UBA3: variants seen among roughly 807,000 people sequenced by gnomAD.
UBA3 encodes NEDD8-activating enzyme E1 catalytic subunit.
In UBA3, 26 loss-of-function variants were observed where a neutral mutation model predicts 73.5. That is an observed-to-expected ratio of 0.35 (90% CI 0.26 to 0.49). The LOEUF (loss-of-function observed/expected upper bound fraction) is 0.49, where lower values mean the gene tolerates loss of function less well. Among genes scored for constraint, UBA3 ranks in the 20% least tolerant of loss-of-function variants. UBA3 has a pLI of 0.98. For synonymous variants in UBA3, 217 were observed against 191.2 expected, an observed-to-expected ratio of 1.13 and a Z score of -1.11; for missense variants, 495 against 555.6, an observed-to-expected ratio of 0.89 and a Z score of 1.10.
At position 69,080,339 on chromosome 3, in the gene UBA3, C is replaced by T. The variant is rs1331732729; in HGVS notation, c.15G>A (p.Glu5=). The T allele has an allele frequency of 4.4e-6, 7 of 1,598,614 alleles. No homozygotes were observed. The South Asian group carries it at 4.5e-5, about 10-fold the overall frequency. MADG[E]EPEKKRRRIE... The stretch of plus-strand genomic sequence containing the variant: ...TGCAGAGCCCCGGTACTTACGGCTC[C>T]TCGCCATCCGCCATATTGTTCTCCG... Residue 5 remains glutamate (E), a synonymous_variant, in exon 1 of 18, where the codon GAG becomes GAA. Coordinates refer to ENST00000361055, the MANE Select transcript of UBA3 (RefSeq NM_003968.4).
In UBA3 at chr3:69,056,630, T is replaced by A; in HGVS notation, c.1065A>T (p.Thr355=). 6.2e-7 allele frequency: 1 copy of A among 1,612,008 alleles called. No homozygotes were observed. The highest frequency in any genetic ancestry group is 8.5e-7 in the Non-Finnish European group (1 of 1,178,636). ...FNDVDGLYTY[T]FEAERKENCP... ...TACTAACCTTTCTTTCTGCTTCAAATGTGTATGTATACAGCCCATCTACAT... is the reference window on the plus strand; with the variant it reads ...TACTAACCTTTCTTTCTGCTTCAAAAGTGTATGTATACAGCCCATCTACAT... The change falls in exon 14 of 18, where the codon ACA becomes ACT. Residue 355 remains threonine, a synonymous_variant. Transcript: ENST00000361055.
intron 2 of UBA3, among the ~76,000 whole-genome samples, chr3:69,078,871 T>A (rs1699859083): frequency 6.6e-6 from 1 of 152,190 alleles, no homozygotes; most frequent in African/African-American, 2.4e-5. Flanking sequence ...CAGATAGACA[T>A]CTACAAACCT....
At chr3:69,064,018 T>TA (rs775810494) in intron 7 of UBA3, 50 bp downstream of exon 7, 2 of 1,504,856 alleles carry the variant, frequency 1.3e-6, no homozygotes, top group Admixed American at 2.0e-5. Flanking sequence ...AGCTACCAAC[T>TA]AAAAAATTCT....
chr3:69,077,984 AT>A, intron 2 of UBA3, 66 bp from the exon 3 acceptor site: 1 of 1,557,746 alleles, frequency 6.4e-7, no homozygotes, highest in East Asian at 2.3e-5. Flanking sequence ...TACAACTATT[AT>A]GGTATCCCCA....
chr3:69,067,953 T>A lies in UBA3; in HGVS notation c.403A>T (p.Arg135Ter). The change falls in exon 6 of 18, where the codon AGA (arginine) becomes TGA (stop). Residue 135 changes from arginine to a stop codon, truncating the protein, a stop_gained. Coordinates refer to ENST00000361055, the MANE Select transcript of UBA3 (RefSeq NM_003968.4). LOFTEE classifies it high-confidence loss of function. ...AEVAAEFLND[R>*]VPNCNVVPHF... ...GGAACTACATTGCAATTAGGAACTC[T>A]GTCATTTAGAAATTCTGCAGCAACT... 4 of 1,607,454 alleles carry A rather than the reference T, an allele frequency of 2.5e-6. No individual in the cohort carries two copies. Among genetic ancestry groups the A allele is most frequent in the Non-Finnish European group, 3.4e-6 (4 of 1,176,512 alleles).
At position 69,077,875 on chromosome 3, in the gene UBA3, C is replaced by T; in HGVS notation, c.106G>A (p.Gly36Ser). The change falls in exon 3 of 18, where the codon GGT becomes AGT. Residue 36 changes from glycine (G) to serine (S), a missense_variant. Transcript: ENST00000361055. ...AACTTCTTTACATGGTTCCAGCGAC[C>T]TTCCCAGTCTCCAGTGTCCCCACAC... ...GGCGDTGDWE[G>S]RWNHVKKFLE... 6.2e-7 allele frequency: 1 copy of T among 1,614,068 alleles called. No individual in the cohort carries two copies.
chr3:69,063,379 G>T (rs2092039651), intron 8 of UBA3, 60 bp downstream of exon 8: 2 of 1,492,912 alleles, frequency 1.3e-6, no homozygotes, highest in South Asian at 1.2e-5. Context: ...TTCTAATTTT[G>T]GGGATGTGAA....
chr3:69,055,325 T>TA lies in UBA3; in HGVS notation c.*111dup. 1 of 667,368 alleles carries TA rather than the reference T, an allele frequency of 1.5e-6. No homozygotes were observed. The allele number at this position is 667,368 out of a possible 1,614,324, so 41.3% of individuals were successfully genotyped here. A position where few individuals can be genotyped will look rare whatever the true frequency, so the allele number is the denominator to read the frequency against. ...AGTTAAAAAAGAGTGGTTCATTATA[T>TA]AAAAAAAGACAAATCGTGGCAACAC... is the stretch of plus-strand genomic sequence containing the variant. On this transcript the variant is annotated 3_prime_UTR_variant, in exon 18 of 18. Coordinates refer to ENST00000361055, the MANE Select transcript of UBA3 (RefSeq NM_003968.4).
At chr3:69,063,161 T>C (rs1249679430) in intron 8 of UBA3, 24 bp from the exon 9 acceptor site, 5 of 1,612,306 alleles carry the variant, frequency 3.1e-6, no homozygotes, top group Admixed American at 1.7e-5. Context: ...TTGAAGGGCT[T>C]TAAAGGAGAA....
At chr3:69,063,543 G>C in intron 7 of UBA3, 40 bp from the exon 8 acceptor site, 2 of 1,456,984 alleles carry the variant, frequency 1.4e-6, no homozygotes, top group Non-Finnish European at 1.9e-6. Context: ...TTTTAAATAT[G>C]TAGTTGCATG....
At chr3:69,080,070 G>GGGGGTCCCCGGAGAGGGCCCC in intron 2 of UBA3, 42 bp downstream of exon 2, 1 of 1,585,910 alleles carries the variant, frequency 6.3e-7, no homozygotes, top group Non-Finnish European at 8.6e-7. Flanking sequence ...GGGGGGAGGC[G>GGGGGTCCCCGGAGAGGGCCCC]GGGGTCCCCG....
At chr3:69,065,393 C>T (rs1487130279) in intron 6 of UBA3, among the ~76,000 whole-genome samples, 1 of 152,164 alleles carries the variant, frequency 6.6e-6, no homozygotes, top group Non-Finnish European at 1.5e-5. Flanking sequence ...TAGTACAGTA[C>T]CAAAACCATG....
rs1297623512 is a variant in UBA3, at chr3:69,077,765, T to C, written c.183+33A>G. ...TATTAGTTTTGAAACATAAAACTAT[T>C]AGAGCAGTTATTTAAAAATAAACGT... On this transcript the variant is annotated intron_variant, in intron 3 of 17. Transcript: ENST00000361055. The C allele has an allele frequency of 3.1e-6, 5 of 1,588,318 alleles. No individual in the cohort carries two copies. In the African/African-American group the frequency reaches 5.4e-5, roughly 17 times the overall value.
Position 69,080,160 on chromosome 3 carries a change from G to A in UBA3, c.21-7C>T. The stretch of plus-strand genomic sequence containing the variant: ...TCTCCTTCTTTTCTTCTCCCTAAAA[G>A]AGAGAATAAAAGAAGGGTCAGCATC... On this transcript the variant is annotated splice_polypyrimidine_tract_variant and splice_region_variant and intron_variant, in intron 1 of 17. Transcript: ENST00000361055. The A allele has an allele frequency of 6.2e-7, 1 of 1,605,852 alleles. No homozygotes were observed. The highest frequency in any genetic ancestry group is 8.5e-7 in the Non-Finnish European group (1 of 1,177,024).
At chr3:69,072,748 A>G (rs1464214656) in intron 4 of UBA3, among the ~76,000 whole-genome samples, 2 of 152,228 alleles carry the variant, frequency 1.3e-5, no homozygotes, top group African/African-American at 2.4e-5. Flanking sequence ...TTCCAAAACC[A>G]AACTTGATCA....
At chr3:69,060,330 T>C (rs956506344) in intron 11 of UBA3, among the ~76,000 whole-genome samples, 1 of 150,700 alleles carries the variant, frequency 6.6e-6, no homozygotes, top group Non-Finnish European at 1.5e-5. Context: ...AAGTTTATAA[T>C]AGGCAGATGT....
At chr3:69,066,980 G>A (rs987040250) in intron 6 of UBA3, among the ~76,000 whole-genome samples, 1 of 152,064 alleles carries the variant, frequency 6.6e-6, no homozygotes, top group Non-Finnish European at 1.5e-5. Context: ...CACTGAGTCT[G>A]GATTACTATA....
intron 4 of UBA3, among the ~76,000 whole-genome samples, chr3:69,074,574 T>C (rs142888086): frequency 9.8e-4 from 149 of 152,312 alleles, no homozygotes; most frequent in Middle Eastern, 3.4e-3. Context: ...GGCCAATTAT[T>C]TGGGTCCTCC....
intron 12 of UBA3, 78 bp from the exon 13 acceptor site, chr3:69,056,893 G>C (rs916413575): frequency 1.6e-5 from 24 of 1,460,160 alleles, no homozygotes; most frequent in Admixed American, 2.2e-5. Flanking sequence ...AATCAGAACA[G>C]ATAAATTTAC....
Sources: gnomAD v4.1 joint callset for allele counts (sites outside exome capture counted in the v4.1 genomes callset) on GRCh38, gnomAD v4.1.1 for gene constraint, MANE v1.5 for transcripts, NCBI Gene and HGNC (gene_info 2026-07-23, HGNC 2026-07-21) for gene names.